KCP: variants seen among roughly 807,000 people sequenced by gnomAD.
KCP encodes the protein kielin cysteine rich BMP regulator, also known as kielin/chordin-like protein.
A neutral mutation model predicts 212.7 loss-of-function variants in KCP; 194 were observed. The ratio of observed to expected loss-of-function variants is 0.91; its 90% CI spans 0.81 to 1.03. The LOEUF is 1.03. Ranked by LOEUF, KCP falls within the 50% of genes least tolerant of loss-of-function variation. The pLI, the probability that KCP is intolerant of heterozygous loss-of-function variation, is 0.00. For missense variants in KCP, 2,080 were observed against 2,162.5 expected, an observed-to-expected ratio of 0.96 and a Z score of 0.76; for synonymous variants, 833 against 865.3, an observed-to-expected ratio of 0.96 and a Z score of 0.65.
In KCP at chr7:128,879,307, C is replaced by T. The variant is rs141216071; in HGVS notation, c.4146+215G>A. 9.9e-4 allele frequency: 563 copies of T among 570,106 alleles called. 8 individuals carry two copies. The East Asian group carries it at 0.016, about 16-fold the overall frequency. The allele number at this position is 570,106 out of a possible 1,614,324, so 35.3% of individuals were successfully genotyped here. A position where few individuals can be genotyped will look rare whatever the true frequency, so the allele number is the denominator to read the frequency against. On this transcript the variant is annotated intron_variant, in intron 37 of 39. Coordinates refer to ENST00000610776, the MANE Select transcript of KCP (RefSeq NM_001366122.1). ...CTGGTGGTGGCTTAAGAGGCTGAGC[C>T]GAGATTAGAAATCGGGCTCAGAACT...
chr7:128,890,075 C>T (rs1425170740), intron 21 of KCP: 11 of 503,528 alleles, frequency 2.2e-5, no homozygotes, highest in Admixed American at 6.6e-5. Context: ...AGAGGCACCA[C>T]GACCAGCTGA....
chr7:128,887,125 G>T, intron 23 of KCP, 90 bp downstream of exon 23: 1 of 1,220,792 alleles, frequency 8.2e-7, no homozygotes, highest in Non-Finnish European at 1.2e-6. Context: ...TGTAGCCCTT[G>T]CCACCTGAGT....
chr7:128,904,022 G>A (rs1375930616), intron 6 of KCP, 34 bp downstream of exon 6: 2 of 1,526,988 alleles, frequency 1.3e-6, no homozygotes, highest in South Asian at 1.2e-5. Flanking sequence ...CCAGGGAGGT[G>A]CAGGGCCTGG....
In KCP at chr7:128,880,504, T is replaced by G. The variant is rs1250108118; in HGVS notation, c.3641A>C (p.Gln1214Pro). ...CQAPTQSCVHQGREVASGERW... is the reference protein window; with the variant it reads ...CQAPTQSCVHPGREVASGERW... ...CTCTCCAGAGGCCACCTCACGGCCC[T>G]GGTGCACGCAGGACTGGGTGGGAGC... is the stretch of plus-strand genomic sequence containing the variant. Residue 1214 changes from glutamine (Q) to proline (P), a missense_variant, in exon 34 of 40, where the codon CAG becomes CCG. By Grantham distance (76) the Gln-to-Pro change is moderately conservative (BLOSUM62 -1). Transcript: ENST00000610776. The G allele has an allele frequency of 4.4e-5, 67 of 1,521,138 alleles. No individual in the cohort carries two copies. The highest frequency in any genetic ancestry group is 5.8e-5 in the Non-Finnish European group (65 of 1,127,846). The allele number at this position is 1,521,138 out of a possible 1,614,324, so 94.2% of individuals were successfully genotyped here.
intron 8 of KCP, among the ~76,000 whole-genome samples, chr7:128,896,941 A>G (rs1313369266): frequency 1.3e-5 from 2 of 150,292 alleles, no homozygotes; most frequent in African/African-American, 4.9e-5. Context: ...ATACACAGCC[A>G]TCCAAACTTT....
In KCP at chr7:128,890,225, G is replaced by A. The variant is rs541794997; in HGVS notation, c.2335+118C>T. The A allele has an allele frequency of 3.9e-6, 6 of 1,531,790 alleles. No homozygotes were observed. In the East Asian group the frequency reaches 9.9e-5, roughly 25 times the overall value. 94.9% of individuals were successfully genotyped at this position (1,531,790 alleles called of 1,614,324 possible). A position where few individuals can be genotyped will look rare whatever the true frequency, so the allele number is the denominator to read the frequency against. ...TTCAGCTAGGGCTCCCAGCCTCGGG[G>A]CTTTTTCTTACTGTAATAAATATTT... On this transcript the variant is annotated intron_variant, in intron 21 of 39. Coordinates refer to ENST00000610776, the MANE Select transcript of KCP (RefSeq NM_001366122.1).
At position 128,879,080 on chromosome 7, in the gene KCP, C is replaced by T. The variant is rs1793161035; in HGVS notation, c.4147-358G>A. The T allele has an allele frequency of 2.8e-5, 10 of 359,664 alleles. No homozygotes were observed. The South Asian group carries it at 3.9e-4, about 14-fold the overall frequency. The allele number at this position is 359,664 out of a possible 1,614,324, so 22.3% of individuals were successfully genotyped here. A position where few individuals can be genotyped will look rare whatever the true frequency, so the allele number is the denominator to read the frequency against. On this transcript the variant is annotated intron_variant, in intron 37 of 39. Transcript: ENST00000610776. ...CAGAGGACAAAGCACAATTAGGGTCCGGATTAGAAGTGTACACCCTTATTC... is the reference window on the plus strand; with the variant it reads ...CAGAGGACAAAGCACAATTAGGGTCTGGATTAGAAGTGTACACCCTTATTC...
In KCP at chr7:128,892,519, C is replaced by A; in HGVS notation, c.1616G>T (p.Cys539Phe). 6.6e-7 allele frequency: 1 copy of A among 1,525,692 alleles called. No individual in the cohort carries two copies. 94.5% of individuals were successfully genotyped at this position (1,525,692 alleles called of 1,614,324 possible). The change falls in exon 16 of 40, where the codon TGC becomes TTC. Residue 539 changes from cysteine to phenylalanine, a missense_variant. Transcript: ENST00000610776. ...QSGPGQCCPR[C>F]PDCILEEEVF... ...CCCAGTGAGTGCCCACATACCTGGG[C>A]ACCTGGGGCAACACTGGCCTGGTCC...
chr7:128,879,478 A>C, intron 37 of KCP, 44 bp downstream of exon 37: 1 of 1,501,818 alleles, frequency 6.7e-7, no homozygotes, highest in Non-Finnish European at 9.0e-7. Flanking sequence ...ACAGGACTGA[A>C]GCTCCCAGCA....
intron 2 of KCP, among the ~76,000 whole-genome samples, chr7:128,907,793 AAT>A (rs1197912940): frequency 2.0e-5 from 3 of 152,172 alleles, no homozygotes; most frequent in African/African-American, 7.2e-5. Context: ...TGACAAAACA[AAT>A]AGCCTGGAGG....
Position 128,876,929 on chromosome 7 carries a change from C to T in KCP, c.*114G>A. The T allele has an allele frequency of 2.3e-6, 3 of 1,305,998 alleles. No individual in the cohort carries two copies. Among genetic ancestry groups the T allele is most frequent in the South Asian group, 1.5e-5 (1 of 65,958 alleles). 80.9% of individuals were successfully genotyped at this position (1,305,998 alleles called of 1,614,324 possible). A position where few individuals can be genotyped will look rare whatever the true frequency, so the allele number is the denominator to read the frequency against. On this transcript the variant is annotated 3_prime_UTR_variant, in exon 40 of 40. Transcript: ENST00000610776. ...GGCGGGGGTCTTTGCAGGGCAGGGG[C>T]CCAGGCTCCAGTGTCCAGGCAGGGC...
intron 5 of KCP, chr7:128,904,512 T>G: frequency 1.4e-6 from 1 of 712,630 alleles, no homozygotes; most frequent in Non-Finnish European, 2.3e-6. Context: ...TCTGCAGGCC[T>G]AGCAGGCTTC....
intron 8 of KCP, among the ~76,000 whole-genome samples, chr7:128,896,687 T>C (rs1230496535): frequency 6.6e-6 from 1 of 151,942 alleles, no homozygotes; most frequent in East Asian, 1.9e-4. Flanking sequence ...GGTCAAGAGA[T>C]TGAGACCATC....
rs1008017895 is a variant in KCP at position 128,904,063 on chromosome 7, G to A, written c.647C>T (p.Thr216Ile). 3 of 1,551,462 alleles carry A rather than the reference G, an allele frequency of 1.9e-6. No homozygotes were observed. The highest frequency in any genetic ancestry group is 2.6e-6 in the Non-Finnish European group (3 of 1,146,878). Residue 216 changes from threonine to isoleucine, a missense_variant, in exon 6 of 40, where the codon ACC becomes ATC. Thr to Ile is a moderately conservative substitution (Grantham distance 89). Coordinates refer to ENST00000610776, the MANE Select transcript of KCP (RefSeq NM_001366122.1). The stretch of plus-strand genomic sequence containing the variant: ...GGGGACAGGTGGACTCACCAGGCAG[G>A]TGCACTGTAGACAAGGGTTGGAGCT... ...LSSSNPCLQCTCLRSRVRCMA... is the reference protein window; with the variant it reads ...LSSSNPCLQCICLRSRVRCMA...
chr7:128,877,016 T>G lies in KCP; in HGVS notation c.*27A>C. ...CGCCAAGGGGAGACTCCTGGCCTGA[T>G]GAACCCTTATCAGGCACTGTCCTGG... On this transcript the variant is annotated 3_prime_UTR_variant, in exon 40 of 40. Coordinates refer to ENST00000610776, the MANE Select transcript of KCP (RefSeq NM_001366122.1). 6.5e-7 allele frequency: 1 copy of G among 1,535,956 alleles called. No homozygotes were observed. The highest frequency in any genetic ancestry group is 1.2e-5 in the South Asian group (1 of 81,742).
At chr7:128,884,677 A>C (rs1793535138) in intron 28 of KCP, 104 bp downstream of exon 28, 2 of 1,061,462 alleles carry the variant, frequency 1.9e-6, no homozygotes. Flanking sequence ...TTTGGCCCCC[A>C]GAGTGCCTGC....
intron 37 of KCP, 99 bp downstream of exon 37, chr7:128,879,423 G>A: frequency 9.9e-7 from 1 of 1,014,470 alleles, no homozygotes; most frequent in Non-Finnish European, 1.4e-6. Context: ...TTTTGGCTAG[G>A]AGGTAGCTGG....
chr7:128,886,971 G>T lies in KCP; in HGVS notation c.2599-5C>A. The stretch of plus-strand genomic sequence containing the variant: ...CTGGCAGCGCATGGAACCTTCCTGG[G>T]GGAGAGAGGCCCATCACACCCTCAA... On this transcript the variant is annotated splice_polypyrimidine_tract_variant and splice_region_variant and intron_variant, in intron 23 of 39. Transcript: ENST00000610776. 1 of 1,454,828 alleles carries T rather than the reference G, an allele frequency of 6.9e-7. No individual in the cohort carries two copies. The highest frequency in any genetic ancestry group is 9.4e-7 in the Non-Finnish European group (1 of 1,062,750). 90.1% of individuals were successfully genotyped at this position (1,454,828 alleles called of 1,614,324 possible).
chr7:128,885,126 C>T lies in KCP; in HGVS notation c.3011G>A (p.Gly1004Glu), dbSNP rs1325134469. Residue 1004 changes from glycine (G) to glutamate (E), a missense_variant, in exon 27 of 40, where the codon GGG (glycine) becomes GAG (glutamate). Coordinates refer to ENST00000610776, the MANE Select transcript of KCP (RefSeq NM_001366122.1). ...CISSCAQPRQGPHDCCPQCSD... is the reference protein window; with the variant it reads ...CISSCAQPRQEPHDCCPQCSD... ...GCATTGAGGACAGCAGTCATGGGGC[C>T]CTTGGCGGGGCTGGGCGCAAGAGCT... is the stretch of plus-strand genomic sequence containing the variant. 3.2e-6 allele frequency: 5 copies of T among 1,550,756 alleles called. No individual in the cohort carries two copies. The African/African-American group carries it at 6.8e-5, about 21-fold the overall frequency.
Sources: gnomAD v4.1 joint callset for allele counts (sites outside exome capture counted in the v4.1 genomes callset) on GRCh38, gnomAD v4.1.1 for gene constraint, MANE v1.5 for transcripts, NCBI Gene and HGNC (gene_info 2026-07-23, HGNC 2026-07-21) for gene names.